The following DOCK10 variants were observed in gnomAD, a reference collection of about 807,000 sequenced individuals.
The protein encoded by DOCK10 is dedicator of cytokinesis 10.
In DOCK10, 145 loss-of-function variants were observed where a neutral mutation model predicts 280.1. The observed-to-expected ratio is 0.52, with a 90% confidence interval of 0.45 to 0.59. The LOEUF (loss-of-function observed/expected upper bound fraction) is 0.59, where lower values mean the gene tolerates loss of function less well. Among genes scored for constraint, DOCK10 ranks in the 20% least tolerant of loss-of-function variants. The pLI, the probability that DOCK10 is intolerant of heterozygous loss-of-function variation, is 0.00. For missense variants in DOCK10, 2,368 were observed against 2,651.7 expected (o/e 0.89, Z 2.35); for synonymous variants, 915 against 942.2 (o/e 0.97, Z 0.53).
At chr2:224,766,864 G>C (rs1237923139) in intron 55 of DOCK10, among the ~76,000 whole-genome samples, 3 of 152,174 alleles carry the variant, frequency 2.0e-5, no homozygotes, top group Non-Finnish European at 4.4e-5. Flanking sequence ...ATTATTGCCT[G>C]CTGGTCAGTG....
chr2:224,934,535 A>T (rs10210569), intron 1 of DOCK10, among the ~76,000 whole-genome samples: 2 of 152,068 alleles, frequency 1.3e-5, no homozygotes, highest in African/African-American at 4.8e-5. Context: ...GATGCTTTAC[A>T]CATCTGTGAT....
intron 1 of DOCK10, among the ~76,000 whole-genome samples, chr2:225,001,957 A>T (rs1409539407): frequency 6.6e-6 from 1 of 152,218 alleles, no homozygotes; most frequent in East Asian, 1.9e-4. Flanking sequence ...CTAAGGAGTT[A>T]GGATTTCAAC....
chr2:224,908,138 A>T (rs554765415), intron 3 of DOCK10, among the ~76,000 whole-genome samples: 2 of 150,208 alleles, frequency 1.3e-5, no homozygotes, highest in East Asian at 3.9e-4. Context: ...GCCTACATAA[A>T]GTTGGCTTCT....
intron 13 of DOCK10, among the ~76,000 whole-genome samples, chr2:224,864,098 G>C (rs1697707060): frequency 6.6e-6 from 1 of 152,116 alleles, no homozygotes; most frequent in Non-Finnish European, 1.5e-5. Context: ...AGAAAGTAAA[G>C]CAAAAAGATA....
rs1695858872 is a variant in DOCK10 at position 224,840,076 on chromosome 2, T to C, written c.2662-4A>G. 2 of 1,435,624 alleles carry C rather than the reference T, an allele frequency of 1.4e-6. No individual in the cohort carries two copies. The highest frequency in any genetic ancestry group is 1.9e-6 in the Non-Finnish European group (2 of 1,048,212). The allele number at this position is 1,435,624 out of a possible 1,614,324, so 88.9% of individuals were successfully genotyped here. ...TCTTTTCCACATTCAATAAGTTCTGTAGTAAATTGGCAGAAAAAAAGGATA... is the reference window on the plus strand; with the variant it reads ...TCTTTTCCACATTCAATAAGTTCTGCAGTAAATTGGCAGAAAAAAAGGATA... On this transcript the variant is annotated splice_region_variant and splice_polypyrimidine_tract_variant and intron_variant, in intron 23 of 55. Transcript: ENST00000258390.
At chr2:224,949,088 T>C (rs1282003649) in intron 1 of DOCK10, among the ~76,000 whole-genome samples, 1 of 152,186 alleles carries the variant, frequency 6.6e-6, no homozygotes, top group Non-Finnish European at 1.5e-5. Context: ...AGACAGAGTC[T>C]GTGTTGATGC....
chr2:224,886,159 C>T lies in DOCK10; in HGVS notation c.516G>A (p.Lys172=), dbSNP rs1315630782. 3.7e-6 allele frequency: 6 copies of T among 1,613,664 alleles called. No homozygotes were observed. The African/African-American group carries it at 5.3e-5, about 14-fold the overall frequency. Residue 172 remains lysine, a synonymous_variant, in exon 6 of 56, where the codon AAG becomes AAA. Transcript: ENST00000258390. ...DEDTTSHSSS[K]GGGGAGGTGV... ...CAGTTCCTCCCGCTCCTCCACCCCCCTTGGAAGACGAGTGGGAAGTGGTAT... is the reference window on the plus strand; with the variant it reads ...CAGTTCCTCCCGCTCCTCCACCCCCTTTGGAAGACGAGTGGGAAGTGGTAT...
intron 55 of DOCK10, among the ~76,000 whole-genome samples, chr2:224,766,314 T>C (rs574318180): frequency 6.6e-6 from 1 of 152,204 alleles, no homozygotes; most frequent in African/African-American, 2.4e-5. Context: ...CAATGACGTG[T>C]AAGCATAATA....
chr2:224,845,209 A>G lies in DOCK10; in HGVS notation c.2475T>C (p.Ser825=), dbSNP rs7577271. The G allele has an allele frequency of 0.11, 180,390 of 1,572,394 alleles. 14,968 individuals are homozygous for G. The highest frequency in any genetic ancestry group is 0.44 in the African/African-American group (32,738 of 74,004). The change falls in exon 21 of 56, where the codon AGT becomes AGC. Residue 825 remains serine, a synonymous_variant. Transcript: ENST00000258390. ...PNYLSFQDSA[S]GKHGGSDIKW... ...ATTACACATTATTCAATACCTTTCC[A>G]CTTGCAGAATCTTGAAAGCTTAAAT...
intron 1 of DOCK10, among the ~76,000 whole-genome samples, chr2:225,038,176 T>C (rs1291932396): frequency 6.6e-6 from 1 of 152,100 alleles, no homozygotes; most frequent in Non-Finnish European, 1.5e-5. Flanking sequence ...TGCTTTTAAA[T>C]CTGGATAGCG....
intron 13 of DOCK10, among the ~76,000 whole-genome samples, chr2:224,864,126 G>A (rs1697709792): frequency 6.6e-6 from 1 of 152,172 alleles, no homozygotes; most frequent in African/African-American, 2.4e-5. Flanking sequence ...AAAAATTTCT[G>A]GTGGATATTC....
rs777481644 is a variant in DOCK10 at position 224,797,097 on chromosome 2, C to G, written c.4694G>C (p.Cys1565Ser). The change falls in exon 43 of 56, where the codon TGT becomes TCT. Residue 1565 changes from cysteine to serine, a missense_variant. Cys to Ser is a moderately radical substitution (Grantham distance 112). Transcript: ENST00000258390. The stretch of plus-strand genomic sequence containing the variant: ...GTTACAGCATTTTAGGACTTCGTAA[C>G]AGAATGATCCACAGAGGTCAGCAGG... Reference protein sequence around the residue: ...QGPADLCGSFCYEVLKCCNHR... With the variant: ...QGPADLCGSFSYEVLKCCNHR... The G allele has an allele frequency of 6.2e-7, 1 of 1,613,292 alleles. No individual in the cohort carries two copies. The highest frequency in any genetic ancestry group is 2.2e-5 in the East Asian group (1 of 44,882).
chr2:225,011,054 T>A (rs188061004), intron 1 of DOCK10, among the ~76,000 whole-genome samples: 45 of 152,242 alleles, frequency 3.0e-4, no homozygotes, highest in African/African-American at 1.0e-3. Flanking sequence ...AAGTCATGAG[T>A]TTTCTGACAA....
In DOCK10 at chr2:224,886,533, T is replaced by C; in HGVS notation, c.417-2A>G. The C allele has an allele frequency of 6.3e-7, 1 of 1,581,932 alleles. No individual in the cohort carries two copies. The highest frequency in any genetic ancestry group is 8.5e-7 in the Non-Finnish European group (1 of 1,173,670). ...AGCTTCTCTGGTTTGTATTCTGCTC[T>C]GATATTAAAAAAAAAAAAAGATTCT... On this transcript the variant is annotated splice_acceptor_variant, in intron 4 of 55. Transcript: ENST00000258390. LOFTEE classifies it high-confidence loss of function.
chr2:225,037,288 A>G (rs1289469094), intron 1 of DOCK10, among the ~76,000 whole-genome samples: 3 of 152,180 alleles, frequency 2.0e-5, no homozygotes, highest in African/African-American at 7.2e-5. Context: ...GGGAAGATCT[A>G]TTATAATTAA....
At chr2:224,918,440 GGT>G (rs1327282786) in intron 2 of DOCK10, among the ~76,000 whole-genome samples, 1 of 140,896 alleles carries the variant, frequency 7.1e-6, no homozygotes, top group African/African-American at 2.5e-5. Context: ...GTGTTCGTAT[GGT>G]GTGTGTATGT....
intron 24 of DOCK10, among the ~76,000 whole-genome samples, chr2:224,838,066 G>C (rs903835581): frequency 7.9e-5 from 12 of 152,126 alleles, no homozygotes; most frequent in African/African-American, 2.9e-4. Context: ...TTGAAACTTT[G>C]AAACACAAAG....
At chr2:225,030,028 C>T (rs1464502395) in intron 1 of DOCK10, among the ~76,000 whole-genome samples, 2 of 151,728 alleles carry the variant, frequency 1.3e-5, no homozygotes, top group Non-Finnish European at 2.9e-5. Flanking sequence ...CACCTGTAGT[C>T]CCAGCTACTT....
intron 1 of DOCK10, among the ~76,000 whole-genome samples, chr2:225,013,714 T>C (rs1301696631): frequency 6.6e-6 from 1 of 152,184 alleles, no homozygotes; most frequent in Non-Finnish European, 1.5e-5. Flanking sequence ...AGTGAAGGCA[T>C]CCTACATGTG....
Sources: gnomAD v4.1 joint callset for allele counts (sites outside exome capture counted in the v4.1 genomes callset) on GRCh38, gnomAD v4.1.1 for gene constraint, MANE v1.5 for transcripts, NCBI Gene and HGNC (gene_info 2026-07-23, HGNC 2026-07-21) for gene names.